The following RTN4IP1 variants were observed in gnomAD, a reference collection of about 807,000 sequenced individuals.
RTN4IP1 encodes reticulon 4 interacting protein 1.
A neutral mutation model predicts 46.6 loss-of-function variants in RTN4IP1; 32 were observed. That is an observed-to-expected ratio of 0.69 (90% confidence interval 0.52 to 0.92). The LOEUF is 0.92. Ranked by LOEUF, RTN4IP1 falls within the 40% of genes least tolerant of loss-of-function variation. RTN4IP1 has a pLI of 0.00. For synonymous variants in RTN4IP1, 167 were observed against 161.8 expected (o/e 1.03, Z -0.24); for missense variants, 424 against 485.8 (o/e 0.87, Z 1.20).
At chr6:106,573,891 G>A (rs1363184517) in intron 8 of RTN4IP1, among the ~76,000 whole-genome samples, 2 of 152,138 alleles carry the variant, frequency 1.3e-5, no homozygotes, top group Non-Finnish European at 2.9e-5. Context: ...CTGGTCTCTC[G>A]ACCCTGTGTC....
chr6:106,577,817 A>G (rs59698263), intron 8 of RTN4IP1, among the ~76,000 whole-genome samples: 21,509 of 152,052 alleles, frequency 0.14, 1,745 homozygotes, highest in African/African-American at 0.21. Flanking sequence ...ATGTAGCCAC[A>G]AGTCAAGGGA....
intron 5 of RTN4IP1, among the ~76,000 whole-genome samples, chr6:106,597,625 G>A (rs567535360): frequency 6.6e-6 from 1 of 151,650 alleles, no homozygotes; most frequent in African/African-American, 2.4e-5. Context: ...ATTACAGGGT[G>A]AGCCACTGTG....
intron 8 of RTN4IP1, among the ~76,000 whole-genome samples, chr6:106,574,541 TA>T (rs1775172424): frequency 6.6e-6 from 1 of 152,174 alleles, no homozygotes; most frequent in Non-Finnish European, 1.5e-5. Flanking sequence ...GGATGCTGTT[TA>T]CCTGGAAAAG....
chr6:106,621,665 T>G (rs1776489968), intron 2 of RTN4IP1, among the ~76,000 whole-genome samples, 172 bp from the exon 3 acceptor site: 1 of 152,230 alleles, frequency 6.6e-6, no homozygotes, highest in African/African-American at 2.4e-5. Flanking sequence ...TTAGTATGAT[T>G]CTAGATTTAT....
intron 4 of RTN4IP1, among the ~76,000 whole-genome samples, chr6:106,612,735 G>A (rs1274146136): frequency 9.5e-6 from 1 of 105,712 alleles, no homozygotes; most frequent in African/African-American, 3.3e-5. Context: ...AACTCATTCC[G>A]ATTACCTGCT....
chr6:106,605,424 C>CAAA (rs1343572337), intron 4 of RTN4IP1, among the ~76,000 whole-genome samples: 1 of 105,090 alleles, frequency 9.5e-6, no homozygotes. Context: ...GACCCTGTCT[C>CAAA]AAAAAAAAAA....
At position 106,629,232 on chromosome 6, in the gene RTN4IP1, C is replaced by A. The variant is rs919119092; in HGVS notation, c.-211G>T. ...TTCCGCTCTTCGCATATGAAATGCT[C>A]GAATTAACGTTCCAGTCAGTATTCT... On this transcript the variant is annotated 5_prime_UTR_variant, in exon 1 of 9. Coordinates refer to ENST00000369063, the MANE Select transcript of RTN4IP1 (RefSeq NM_032730.5). The A allele has an allele frequency of 8.6e-6, 5 of 583,386 alleles. No individual in the cohort carries two copies. The highest frequency in any genetic ancestry group is 3.1e-5 in the Admixed American group (1 of 32,634). 36.1% of individuals were successfully genotyped at this position (583,386 alleles called of 1,614,324 possible).
chr6:106,606,275 T>G (rs955283744), intron 4 of RTN4IP1, among the ~76,000 whole-genome samples: 1 of 151,680 alleles, frequency 6.6e-6, no homozygotes, highest in Admixed American at 6.6e-5. Context: ...AAAAATTAGC[T>G]GGGCACAGTG....
At chr6:106,623,607 TA>T (rs907289736) in intron 1 of RTN4IP1, among the ~76,000 whole-genome samples, 23 of 152,114 alleles carry the variant, frequency 1.5e-4, no homozygotes, top group African/African-American at 2.7e-4. Flanking sequence ...AGATTTTCTT[TA>T]AAAAAAATTT....
intron 5 of RTN4IP1, among the ~76,000 whole-genome samples, chr6:106,594,673 T>G (rs1489837821): frequency 6.6e-6 from 1 of 152,208 alleles, no homozygotes; most frequent in African/African-American, 2.4e-5. Flanking sequence ...ATTCTGATTT[T>G]TATAGTAATC....
intron 1 of RTN4IP1, among the ~76,000 whole-genome samples, chr6:106,627,726 G>A (rs1303005351): frequency 8.0e-6 from 1 of 125,376 alleles, no homozygotes. Context: ...GACAATCACA[G>A]TAAAGTCATT....
intron 1 of RTN4IP1, 48 bp from the exon 2 acceptor site, chr6:106,623,017 CT>C (rs1392877279): frequency 6.3e-7 from 1 of 1,575,936 alleles, no homozygotes; most frequent in Admixed American, 1.7e-5. Flanking sequence ...GTATGAAATG[CT>C]TTTAAAACTA....
At chr6:106,600,629 T>C (rs1035792619) in intron 5 of RTN4IP1, among the ~76,000 whole-genome samples, 1 of 151,998 alleles carries the variant, frequency 6.6e-6, no homozygotes, top group Non-Finnish European at 1.5e-5. Flanking sequence ...TCTGTCTCTG[T>C]GGATTTGCCT....
At chr6:106,588,497 A>G (rs1228334447) in intron 6 of RTN4IP1, among the ~76,000 whole-genome samples, 1 of 152,262 alleles carries the variant, frequency 6.6e-6, no homozygotes, top group Non-Finnish European at 1.5e-5. Flanking sequence ...GGAGAAATGA[A>G]CAGCCTGTTC....
At chr6:106,628,723 G>T (rs1276044835) in intron 1 of RTN4IP1, 25 bp downstream of exon 1, 2 of 1,580,218 alleles carry the variant, frequency 1.3e-6, no homozygotes, top group South Asian at 2.3e-5. Context: ...TTTAAAAAAG[G>T]TAACAATGTC....
At chr6:106,574,591 G>A (rs1335563051) in intron 8 of RTN4IP1, among the ~76,000 whole-genome samples, 1 of 152,148 alleles carries the variant, frequency 6.6e-6, no homozygotes, top group East Asian at 1.9e-4. Context: ...AGAGTCCAAG[G>A]CCTCCTGTTA....
Position 106,592,174 on chromosome 6 carries a change from A to G in RTN4IP1, c.796T>C (p.Ser266Pro), listed in dbSNP as rs1315900612. Reference sequence around the variant, plus strand: ...TGTTCTAATACATACGGTTTTAAGGATTTCAACTGCTCTTCCACACTTCCA... The same window carrying G: ...TGTTCTAATACATACGGTTTTAAGGGTTTCAACTGCTCTTCCACACTTCCA... ...KSGSVEEQLK[S>P]LKPFDFILDN... The change falls in exon 6 of 9, where the codon TCC becomes CCC. Residue 266 changes from serine (S) to proline (P), a missense_variant. Physicochemically the swap from Ser to Pro is moderately conservative, Grantham distance 74. Coordinates refer to ENST00000369063, the MANE Select transcript of RTN4IP1 (RefSeq NM_032730.5). 1 of 1,613,868 alleles carries G rather than the reference A, an allele frequency of 6.2e-7. No homozygotes were observed. Among genetic ancestry groups the G allele is most frequent in the African/African-American group, 1.3e-5 (1 of 74,892 alleles).
At chr6:106,602,277 C>CAA (rs138749456) in intron 5 of RTN4IP1, among the ~76,000 whole-genome samples, 2 of 149,210 alleles carry the variant, frequency 1.3e-5, no homozygotes, top group Non-Finnish European at 3.0e-5. Flanking sequence ...TTATGAAAAG[C>CAA]AAAAAAAAAG....
At position 106,592,165 on chromosome 6, in the gene RTN4IP1, G is replaced by A. The variant is rs1562138508; in HGVS notation, c.805C>T (p.Pro269Ser). The change falls in exon 6 of 9, where the codon CCA becomes TCA. Residue 269 changes from proline to serine, a missense_variant and splice_region_variant. By Grantham distance (74) the Pro-to-Ser change is moderately conservative. Coordinates refer to ENST00000369063, the MANE Select transcript of RTN4IP1 (RefSeq NM_032730.5). Reference sequence around the variant, plus strand: ...TGTGAACATTGTTCTAATACATACGGTTTTAAGGATTTCAACTGCTCTTCC... The same window carrying A: ...TGTGAACATTGTTCTAATACATACGATTTTAAGGATTTCAACTGCTCTTCC... Reference protein sequence around the residue: ...SVEEQLKSLKPFDFILDNVGG... With the variant: ...SVEEQLKSLKSFDFILDNVGG... The A allele has an allele frequency of 6.2e-7, 1 of 1,613,800 alleles. No individual in the cohort carries two copies. The highest frequency in any genetic ancestry group is 1.1e-5 in the South Asian group (1 of 91,002).
Sources: allele counts gnomAD v4.1 joint callset (sites outside exome capture counted in the v4.1 genomes callset), GRCh38; gene constraint gnomAD v4.1.1; transcripts MANE v1.5; gene names NCBI Gene and HGNC (gene_info 2026-07-23, HGNC 2026-07-21).